The following KCNIP4 variants were observed in gnomAD, a reference collection of about 807,000 sequenced individuals.
The protein encoded by KCNIP4 is Kv channel-interacting protein 4.
In KCNIP4, 12 loss-of-function variants were observed where a neutral mutation model predicts 34.0. The ratio of observed to expected loss-of-function variants is 0.35; its 90% CI spans 0.23 to 0.57. KCNIP4 has a LOEUF of 0.57. Among genes scored for constraint, KCNIP4 ranks in the 20% least tolerant of loss-of-function variants. The pLI, the probability that KCNIP4 is intolerant of heterozygous loss-of-function variation, is 0.83. For missense variants in KCNIP4, 238 were observed against 311.7 expected (o/e 0.76, Z 1.78); for synonymous variants, 124 against 102.2 (o/e 1.21, Z -1.29).
intron 1 of KCNIP4, among the ~76,000 whole-genome samples, chr4:21,626,671 T>A (rs1745352463): frequency 6.6e-6 from 1 of 152,102 alleles, no homozygotes; most frequent in South Asian, 2.1e-4. Flanking sequence ...TCATCAATGG[T>A]GGTACCAAGC....
chr4:21,882,500 G>T (rs1488456345), intron 1 of KCNIP4, among the ~76,000 whole-genome samples: 1 of 152,102 alleles, frequency 6.6e-6, no homozygotes, highest in Non-Finnish European at 1.5e-5. Context: ...AGAAAAATAT[G>T]CATTTCAAGG....
rs1212164884 is a variant in KCNIP4 at position 21,880,562 on chromosome 4, T to C, written c.61+68009A>G. Among the ~76,000 whole-genome samples the C allele has an allele frequency of 3.3e-5, 5 of 152,352 alleles. No homozygotes were observed. The East Asian group carries it at 7.7e-4, about 23-fold the overall frequency. ...GATCTTTATTAGTCATAGTTCTTCC[T>C]TGGTCATTGTTATACAGGTTGAATT... is the stretch of plus-strand genomic sequence containing the variant. On this transcript the variant is annotated intron_variant, in intron 1 of 8. Coordinates refer to ENST00000382152, the MANE Select transcript of KCNIP4 (RefSeq NM_025221.6).
At chr4:21,609,047 C>T (rs1392338985) in intron 1 of KCNIP4, 1 of 152,074 alleles carries the variant, frequency 6.6e-6, no homozygotes, top group Non-Finnish European at 1.5e-5. Context: ...ACTAGGAGAA[C>T]TGATGAGAGA....
intron 1 of KCNIP4, among the ~76,000 whole-genome samples, chr4:21,388,030 C>A (rs1722190540): frequency 6.7e-6 from 1 of 149,716 alleles, no homozygotes; most frequent in African/African-American, 2.5e-5. Context: ...CATTTACATA[C>A]AAAATTGCAA....
intron 1 of KCNIP4, among the ~76,000 whole-genome samples, chr4:20,899,617 A>C (rs187845752): frequency 1.1e-4 from 17 of 152,352 alleles, no homozygotes; most frequent in Admixed American, 1.0e-3. Context: ...CCCTATAAAT[A>C]ATCAAGTCTT....
At chr4:20,937,998 C>G (rs539547375) in intron 1 of KCNIP4, among the ~76,000 whole-genome samples, 3 of 152,216 alleles carry the variant, frequency 2.0e-5, no homozygotes, top group South Asian at 2.1e-4. Flanking sequence ...ATAGGTGACT[C>G]TATCTTGTTT....
At chr4:21,381,384 T>G (rs1334736639) in intron 1 of KCNIP4, among the ~76,000 whole-genome samples, 2 of 152,230 alleles carry the variant, frequency 1.3e-5, no homozygotes, top group Admixed American at 6.5e-5. Context: ...CATTCTATTT[T>G]GGGACTAGAT....
chr4:21,798,850 C>T (rs1720810387), intron 1 of KCNIP4, among the ~76,000 whole-genome samples: 1 of 152,042 alleles, frequency 6.6e-6, no homozygotes, highest in African/African-American at 2.4e-5. Context: ...TCAGTTCTTT[C>T]TGTGGGTTAA....
At chr4:21,750,734 C>G (rs1230430053) in intron 1 of KCNIP4, among the ~76,000 whole-genome samples, 3 of 152,128 alleles carry the variant, frequency 2.0e-5, no homozygotes, top group Non-Finnish European at 4.4e-5. Flanking sequence ...CCCTTACAAA[C>G]TGTATTTTCC....
At chr4:21,906,617 T>C (rs1728016154) in intron 1 of KCNIP4, among the ~76,000 whole-genome samples, 1 of 152,084 alleles carries the variant, frequency 6.6e-6, no homozygotes, top group Non-Finnish European at 1.5e-5. Context: ...GGGTAATTTA[T>C]TACAGTGGTC....
intron 1 of KCNIP4, among the ~76,000 whole-genome samples, chr4:21,434,893 A>C (rs911311224): frequency 6.6e-5 from 10 of 152,226 alleles, no homozygotes; most frequent in African/African-American, 2.2e-4. Context: ...GTTCTAGATA[A>C]GTTACTGCTT....
intron 5 of KCNIP4, 97 bp from the exon 6 acceptor site, chr4:20,734,832 C>T (rs149194931): frequency 0.013 from 7,497 of 591,404 alleles, 163 homozygotes; most frequent in South Asian, 0.068. Context: ...CCCTCTGGAT[C>T]TTGAACATTT....
At chr4:21,223,976 G>A (rs529016946) in intron 1 of KCNIP4, among the ~76,000 whole-genome samples, 1 of 152,142 alleles carries the variant, frequency 6.6e-6, no homozygotes, top group African/African-American at 2.4e-5. Context: ...TATCAGCCGA[G>A]GAATCTTCTC....
chr4:21,610,979 C>A lies in KCNIP4; in HGVS notation c.61+337592G>T, dbSNP rs184562206. Among the ~76,000 whole-genome samples the A allele has an allele frequency of 8.3e-4, 126 of 152,208 alleles. No individual in the cohort carries two copies. In the South Asian group the frequency reaches 8.7e-3, roughly 11 times the overall value. ...GCTATCCCTCCCCTAGACCCCCACCCCCTGACAGGCCCCAGTGTGTGATGT... is the reference window on the plus strand; with the variant it reads ...GCTATCCCTCCCCTAGACCCCCACCACCTGACAGGCCCCAGTGTGTGATGT... On this transcript the variant is annotated intron_variant, in intron 1 of 8. Transcript: ENST00000382152.
intron 1 of KCNIP4, among the ~76,000 whole-genome samples, chr4:21,397,970 AAC>A (rs1353698121): frequency 6.6e-6 from 1 of 152,214 alleles, no homozygotes; most frequent in Non-Finnish European, 1.5e-5. Context: ...ACTGGAAGGA[AAC>A]ACAGTCACAC....
Position 21,015,668 on chromosome 4 carries a change from TATA to T in KCNIP4, c.62-132962_62-132960del, listed in dbSNP as rs1021632571. On this transcript the variant is annotated intron_variant, in intron 1 of 8. Coordinates refer to ENST00000382152, the MANE Select transcript of KCNIP4 (RefSeq NM_025221.6). ...AATATAGTATATTGTATTAATATAATATAATATAGTATATTGCATTAATATAAT... is the reference window on the plus strand; with the variant it reads ...AATATAGTATATTGTATTAATATAATATATAGTATATTGCATTAATATAAT... 5.3e-3 allele frequency among the ~76,000 whole-genome samples: 439 copies of T among 82,814 alleles called. 1 individual carries two copies. Among genetic ancestry groups the T allele is most frequent in the Middle Eastern group, 0.013 (2 of 152 alleles). The allele number at this position is 82,814 out of a possible 152,430, so 54.3% of individuals were successfully genotyped here.
At chr4:21,110,488 T>C (rs1167281435) in intron 1 of KCNIP4, among the ~76,000 whole-genome samples, 1 of 152,254 alleles carries the variant, frequency 6.6e-6, no homozygotes, top group East Asian at 1.9e-4. Context: ...TGCTTACTCT[T>C]AGCAGTTAGT....
intron 1 of KCNIP4, among the ~76,000 whole-genome samples, chr4:21,834,063 T>C (rs1226633113): frequency 3.3e-5 from 5 of 152,186 alleles, no homozygotes; most frequent in Non-Finnish European, 7.3e-5. Context: ...TAGGATTGAC[T>C]TGGCTATGTG....
intron 1 of KCNIP4, among the ~76,000 whole-genome samples, chr4:21,095,172 G>A (rs1413667382): frequency 1.3e-5 from 2 of 152,198 alleles, no homozygotes; most frequent in Non-Finnish European, 2.9e-5. Context: ...AAAGTAAAAT[G>A]TGCACATAAA....
Sources: allele counts gnomAD v4.1 joint callset (sites outside exome capture counted in the v4.1 genomes callset), GRCh38; gene constraint gnomAD v4.1.1; transcripts MANE v1.5; gene names NCBI Gene and HGNC (gene_info 2026-07-23, HGNC 2026-07-21).